ENAH: variants seen among roughly 807,000 people sequenced by gnomAD.
ENAH encodes the protein protein enabled homolog.
ENAH carries 23 observed loss-of-function variants against 78.7 expected under a neutral mutation model. The observed-to-expected ratio is 0.29, with a 90% CI of 0.21 to 0.41. ENAH has a LOEUF of 0.41. Ranked by LOEUF, ENAH falls within the 10% of genes least tolerant of loss-of-function variation. The pLI, the probability that ENAH is intolerant of heterozygous loss-of-function variation, is 1.00. For missense variants in ENAH, 544 were observed against 691.0 expected, an observed-to-expected ratio of 0.79 and a Z score of 2.39; for synonymous variants, 226 against 241.0, an observed-to-expected ratio of 0.94 and a Z score of 0.58.
intron 3 of ENAH, among the ~76,000 whole-genome samples, chr1:225,554,088 G>T (rs962726263): frequency 5.3e-5 from 8 of 152,080 alleles, no homozygotes; most frequent in Non-Finnish European, 7.4e-5. Flanking sequence ...TCATCTGACT[G>T]CAACTCTTTC....
At chr1:225,615,116 C>T (rs2097018387) in intron 1 of ENAH, among the ~76,000 whole-genome samples, 1 of 152,190 alleles carries the variant, frequency 6.6e-6, no homozygotes. Flanking sequence ...TGTGCTGCCG[C>T]CATCTCGGCT....
At position 225,496,508 on chromosome 1, in the gene ENAH, A is replaced by G. The variant is rs1031811149; in HGVS notation, c.*1267T>C. 6.6e-6 allele frequency: 1 copy of G among 152,452 alleles called. No homozygotes were observed. The highest frequency in any genetic ancestry group is 2.4e-5 in the African/African-American group (1 of 41,330). 9.4% of individuals were successfully genotyped at this position (152,452 alleles called of 1,614,324 possible). ...CAGCTTCATTCAGGAACACGTATCT[A>G]AACACCTGTGTAACAGCGGGGGTAC... On this transcript the variant is annotated 3_prime_UTR_variant, in exon 14 of 14. Transcript: ENST00000366843.
At chr1:225,511,948 C>A in intron 9 of ENAH, 89 bp from the exon 10 acceptor site, 1 of 734,322 alleles carries the variant, frequency 1.4e-6, no homozygotes, top group Non-Finnish European at 2.2e-6. Context: ...TTCTAATATT[C>A]TTTCTGCCAC....
intron 4 of ENAH, 123 bp downstream of exon 4, chr1:225,530,431 T>A (rs2096532417): frequency 1.4e-6 from 1 of 706,098 alleles, no homozygotes; most frequent in African/African-American, 1.8e-5. Flanking sequence ...AACTTACTAA[T>A]GTAAGAATAA....
chr1:225,530,356 G>A (rs1386220289), intron 4 of ENAH, among the ~76,000 whole-genome samples, 198 bp downstream of exon 4: 1 of 152,056 alleles, frequency 6.6e-6, no homozygotes, highest in Non-Finnish European at 1.5e-5. Flanking sequence ...AAACACATAT[G>A]AAATTTTATA....
At chr1:225,513,058 C>A in intron 7 of ENAH, 42 bp from the exon 8 acceptor site, 2 of 1,505,954 alleles carry the variant, frequency 1.3e-6, no homozygotes, top group Non-Finnish European at 1.8e-6. Flanking sequence ...CTATGTTAGA[C>A]AACCATATTT....
intron 3 of ENAH, among the ~76,000 whole-genome samples, chr1:225,538,279 A>ATT (rs201498910): frequency 0.013 from 2,031 of 152,206 alleles, 53 homozygotes; most frequent in African/African-American, 0.045. Flanking sequence ...AAAGGTATCT[A>ATT]GAATAGAAGG....
chr1:225,508,808 T>G (rs2096354619), intron 10 of ENAH, among the ~76,000 whole-genome samples: 1 of 152,238 alleles, frequency 6.6e-6, no homozygotes, highest in Admixed American at 6.5e-5. Context: ...CACAGGAGAA[T>G]GAAGTCTATT....
At position 225,648,556 on chromosome 1, in the gene ENAH, G is replaced by A. The variant is rs376748114; in HGVS notation, c.5+4130C>T. Among the ~76,000 whole-genome samples the A allele has an allele frequency of 2.0e-5, 3 of 152,252 alleles. No homozygotes were observed. In the East Asian group the frequency reaches 5.8e-4, roughly 29 times the overall value. ...CTCTTCTTCAAGATTTATTCACTTA[G>A]TAAATTCCTACAATACTGACATTCA... On this transcript the variant is annotated intron_variant, in intron 1 of 13. Coordinates refer to ENST00000366843, the MANE Select transcript of ENAH (RefSeq NM_018212.6).
In ENAH at chr1:225,487,947, A is replaced by T. The variant is rs2096206807; in HGVS notation, c.*9828T>A. The T allele has an allele frequency of 6.6e-6, 1 of 152,138 alleles. No individual in the cohort carries two copies. Among genetic ancestry groups the T allele is most frequent in the South Asian group, 2.1e-4 (1 of 4,826 alleles). The allele number at this position is 152,138 out of a possible 1,614,324, so 9.4% of individuals were successfully genotyped here. A position where few individuals can be genotyped will look rare whatever the true frequency, so the allele number is the denominator to read the frequency against. On this transcript the variant is annotated 3_prime_UTR_variant, in exon 14 of 14. Transcript: ENST00000366843. The stretch of plus-strand genomic sequence containing the variant: ...TCTATCAACTTGGTAGGCCTGAAAA[A>T]AAAAAGTATTTAACCTTCTAAATCT...
Position 225,497,742 on chromosome 1 carries a change from G to T in ENAH, c.*33C>A. ...TTGTTTGTAGGATATTTTTCCTCCA[G>T]ATTAAAGTCCTATCTCTCCTTAGTC... On this transcript the variant is annotated 3_prime_UTR_variant, in exon 14 of 14. Transcript: ENST00000366843. 6.2e-7 allele frequency: 1 copy of T among 1,603,520 alleles called. No individual in the cohort carries two copies. The highest frequency in any genetic ancestry group is 8.5e-7 in the Non-Finnish European group (1 of 1,173,186).
rs2096246444 is a variant in ENAH, at chr1:225,495,608, A to ACT, written c.*2165_*2166dup. On this transcript the variant is annotated 3_prime_UTR_variant, in exon 14 of 14. Transcript: ENST00000366843. ...TTAGTTTGGACCACTTGTACCCAGT[A>ACT]CTCTACCTACTACAGACTATTTAAC... The ACT allele has an allele frequency of 6.6e-6, 1 of 152,394 alleles. No individual in the cohort carries two copies. Among genetic ancestry groups the ACT allele is most frequent in the South Asian group, 2.1e-4 (1 of 4,822 alleles). The allele number at this position is 152,394 out of a possible 1,614,324, so 9.4% of individuals were successfully genotyped here.
At chr1:225,551,439 G>C (rs2151399992) in intron 3 of ENAH, among the ~76,000 whole-genome samples, 1 of 152,118 alleles carries the variant, frequency 6.6e-6, no homozygotes, top group South Asian at 2.1e-4. Flanking sequence ...GAGGACGTAG[G>C]GGACACGGAA....
At chr1:225,519,173 A>G (rs774671668) in intron 5 of ENAH, 25 bp downstream of exon 5, 1 of 1,608,680 alleles carries the variant, frequency 6.2e-7, no homozygotes, top group South Asian at 1.1e-5. Context: ...ATACAAGAAC[A>G]CAGAAGAGTT....
rs2096261712 is a variant in ENAH, at chr1:225,498,409, AATAT to A, written c.1618-9_1618-6del. Reference sequence around the variant, plus strand: ...TCTCATTTCATCTAAAATGTCCTAAAATATTAGAGAAAAATACCAGAAATACAGA... The same window carrying A: ...TCTCATTTCATCTAAAATGTCCTAAATAGAGAAAAATACCAGAAATACAGA... On this transcript the variant is annotated splice_region_variant and splice_polypyrimidine_tract_variant and intron_variant, in intron 12 of 13. Coordinates refer to ENST00000366843, the MANE Select transcript of ENAH (RefSeq NM_018212.6). 3 of 1,532,508 alleles carry A rather than the reference AATAT, an allele frequency of 2.0e-6. No individual in the cohort carries two copies. The highest frequency in any genetic ancestry group is 2.7e-6 in the Non-Finnish European group (3 of 1,113,638). 94.9% of individuals were successfully genotyped at this position (1,532,508 alleles called of 1,614,324 possible).
intron 1 of ENAH, among the ~76,000 whole-genome samples, chr1:225,591,865 A>T (rs1395195080): frequency 1.3e-5 from 2 of 152,070 alleles, no homozygotes; most frequent in East Asian, 3.8e-4. Flanking sequence ...TCTCTTTAGA[A>T]GCACCAGAGC....
At chr1:225,527,861 C>T (rs2096517506) in intron 4 of ENAH, among the ~76,000 whole-genome samples, 1 of 152,150 alleles carries the variant, frequency 6.6e-6, no homozygotes, top group Non-Finnish European at 1.5e-5. Context: ...GAACCTCCCA[C>T]CAACTCCCAA....
intron 3 of ENAH, among the ~76,000 whole-genome samples, chr1:225,538,062 T>C (rs965955352): frequency 2.0e-5 from 3 of 152,198 alleles, no homozygotes; most frequent in Non-Finnish European, 2.9e-5. Flanking sequence ...AATGAGATGT[T>C]TGCTTAAAGA....
chr1:225,525,415 T>C (rs2096496013), intron 4 of ENAH, among the ~76,000 whole-genome samples: 1 of 152,186 alleles, frequency 6.6e-6, no homozygotes, highest in African/African-American at 2.4e-5. Flanking sequence ...TATATACCTG[T>C]CCCTACTTCA....
Sources: allele counts gnomAD v4.1 joint callset (sites outside exome capture counted in the v4.1 genomes callset), GRCh38; gene constraint gnomAD v4.1.1; transcripts MANE v1.5; gene names NCBI Gene and HGNC (gene_info 2026-07-23, HGNC 2026-07-21).